TASP1: variants seen among roughly 807,000 people sequenced by gnomAD.
TASP1 encodes the protein taspase 1.
In TASP1, 16 loss-of-function variants were observed where a neutral mutation model predicts 56.6. The ratio of observed to expected loss-of-function variants is 0.28; its 90% CI spans 0.19 to 0.43. The LOEUF is 0.43. Among genes scored for constraint, TASP1 ranks in the 20% least tolerant of loss-of-function variants. TASP1 has a pLI of 1.00. For synonymous variants in TASP1, 179 were observed against 184.2 expected (o/e 0.97, Z 0.23); for missense variants, 393 against 511.6 (o/e 0.77, Z 2.24).
At chr20:13,126,351 A>G in the TASP1 span, among the ~76,000 whole-genome samples, 1 of 152,116 alleles carries the variant, frequency 6.6e-6, no homozygotes, top group African/African-American at 2.4e-5. Context: ...TTAAAGTTCA[A>G]CTCCAAACCT....
At chr20:13,416,066 C>A (rs1008662638) in intron 13 of TASP1, among the ~76,000 whole-genome samples, 2 of 152,110 alleles carry the variant, frequency 1.3e-5, no homozygotes, top group African/African-American at 4.8e-5. Context: ...TAGCCACGAG[C>A]CACATGTGGC....
At chr20:13,208,459 TG>T in the TASP1 span, among the ~76,000 whole-genome samples, 3 of 152,232 alleles carry the variant, frequency 2.0e-5, no homozygotes, top group Non-Finnish European at 2.9e-5. Context: ...GCAGTCAGTA[TG>T]GTAGATTACA....
At chr20:13,381,242 G>A in the TASP1 span, among the ~76,000 whole-genome samples, 8 of 152,206 alleles carry the variant, frequency 5.3e-5, no homozygotes, top group Non-Finnish European at 1.0e-4. Flanking sequence ...TGTGGGTTGC[G>A]AAGACTGTGG....
At chr20:13,506,699 T>C (rs2044145753) in intron 10 of TASP1, among the ~76,000 whole-genome samples, 1 of 152,058 alleles carries the variant, frequency 6.6e-6, no homozygotes, top group African/African-American at 2.4e-5. Flanking sequence ...CATGCTTTCA[T>C]GATTAAAAAA....
intron 1 of TASP1, among the ~76,000 whole-genome samples, chr20:13,636,456 A>G (rs934813041): frequency 6.6e-6 from 1 of 151,552 alleles, no homozygotes; most frequent in African/African-American, 2.4e-5. Context: ...CACCACACCC[A>G]GCCTTGTGTT....
chr20:13,507,661 G>C (rs2044180602), intron 10 of TASP1, among the ~76,000 whole-genome samples: 1 of 152,174 alleles, frequency 6.6e-6, no homozygotes, highest in South Asian at 2.1e-4. Context: ...TACCCAAAGT[G>C]ATCCACAGAT....
the TASP1 span, among the ~76,000 whole-genome samples, chr20:13,241,585 G>A: frequency 6.6e-6 from 1 of 152,230 alleles, no homozygotes; most frequent in Admixed American, 6.5e-5. Flanking sequence ...TAGAGTGATG[G>A]TAATAAAAGA....
At chr20:13,637,332 C>A (rs2147646190) in intron 1 of TASP1, among the ~76,000 whole-genome samples, 1 of 152,294 alleles carries the variant, frequency 6.6e-6, no homozygotes, top group South Asian at 2.1e-4. Flanking sequence ...ACATTTGGCA[C>A]TCACTCAAAA....
intron 13 of TASP1, among the ~76,000 whole-genome samples, chr20:13,413,424 A>AG (rs1385703411): frequency 4.6e-5 from 7 of 152,138 alleles, no homozygotes; most frequent in Non-Finnish European, 7.3e-5. Context: ...ACATCCCAAG[A>AG]GGACAGCACC....
At position 13,556,772 on chromosome 20, in the gene TASP1, T is replaced by C. The variant is rs114888909; in HGVS notation, c.675+2236A>G. On this transcript the variant is annotated intron_variant, in intron 8 of 13. Transcript: ENST00000337743. ...GTCTTCATAAAAGCCACTCATTTTT[T>C]AGATGTCACCTCAAATGTTATCTCC... 4.7e-3 allele frequency among the ~76,000 whole-genome samples: 716 copies of C among 152,348 alleles called. 4 individuals are homozygous for C. The highest frequency in any genetic ancestry group is 0.015 in the African/African-American group (641 of 41,588).
the TASP1 span, among the ~76,000 whole-genome samples, chr20:13,318,780 G>A: frequency 6.6e-6 from 1 of 152,148 alleles, no homozygotes; most frequent in East Asian, 1.9e-4. Context: ...ATCTAAAGAG[G>A]CTACCTACAC....
the TASP1 span, chr20:13,299,511 T>C: frequency 3.9e-6 from 6 of 1,527,598 alleles, no homozygotes; most frequent in African/African-American, 8.2e-5. The surrounding 1 kb of genome is among the most constrained non-coding windows in gnomAD (Gnocchi z 5.8). Flanking sequence ...AGCACACACG[T>C]GCTGCACTGA....
intron 11 of TASP1, among the ~76,000 whole-genome samples, chr20:13,462,215 G>C (rs997985068): frequency 6.6e-6 from 1 of 152,128 alleles, no homozygotes; most frequent in South Asian, 2.1e-4. Flanking sequence ...AGAGAGAAAT[G>C]AATCACTCAA....
intron 13 of TASP1, among the ~76,000 whole-genome samples, chr20:13,398,072 T>A (rs901004536): frequency 3.9e-5 from 6 of 152,262 alleles, no homozygotes; most frequent in African/African-American, 1.4e-4. Context: ...GAAAAGAGCA[T>A]CTTCTATTTG....
chr20:13,594,780 G>A lies in TASP1; in HGVS notation c.283-7410C>T, dbSNP rs180901078. On this transcript the variant is annotated intron_variant, in intron 4 of 13. Coordinates refer to ENST00000337743, the MANE Select transcript of TASP1 (RefSeq NM_017714.3). The stretch of plus-strand genomic sequence containing the variant: ...ATACCTCAAAGTGACAGGCAGAATG[G>A]AACCAACTTGGAAAACACTCTTCAG... Among the ~76,000 whole-genome samples, 4 of 152,274 alleles carry A rather than the reference G, an allele frequency of 2.6e-5. No individual in the cohort carries two copies. In the East Asian group the frequency reaches 7.7e-4, roughly 29 times the overall value.
chr20:13,367,703 T>C, the TASP1 span, among the ~76,000 whole-genome samples: 1 of 152,340 alleles, frequency 6.6e-6, no homozygotes, highest in South Asian at 2.1e-4. Context: ...TATTGCTAAA[T>C]ATGGTTTTAT....
the TASP1 span, among the ~76,000 whole-genome samples, chr20:13,335,804 A>G: frequency 6.6e-6 from 1 of 152,138 alleles, no homozygotes; most frequent in African/African-American, 2.4e-5. Context: ...CAGCAAAAGC[A>G]AAAAGAAACT....
the TASP1 span, among the ~76,000 whole-genome samples, chr20:13,183,952 C>T: frequency 6.6e-6 from 1 of 151,094 alleles, no homozygotes; most frequent in Non-Finnish European, 1.5e-5. Context: ...TGGTGTGAAC[C>T]CAGGAGGCAG....
chr20:13,105,359 A>G, the TASP1 span, among the ~76,000 whole-genome samples: 2 of 152,148 alleles, frequency 1.3e-5, no homozygotes, highest in Admixed American at 6.6e-5. Flanking sequence ...AGCCACTCCC[A>G]TGGCTATCTC....
Sources: gnomAD v4.1 joint callset for allele counts (sites outside exome capture counted in the v4.1 genomes callset) on GRCh38, gnomAD v4.1.1 for gene constraint, Gnocchi (gnomAD v3.1) non-coding constraint, MANE v1.5 for transcripts, NCBI Gene and HGNC (gene_info 2026-07-23, HGNC 2026-07-21) for gene names.